The following TBC1D5 variants were observed in gnomAD, a reference collection of about 807,000 sequenced individuals.
TBC1D5 encodes TBC1 domain family, member 5.
TBC1D5 carries 75 observed loss-of-function variants against 100.3 expected under a neutral mutation model. The observed-to-expected ratio is 0.75, with a 90% CI of 0.62 to 0.91. TBC1D5 has a LOEUF of 0.91. Ranked by LOEUF, TBC1D5 falls within the 40% of genes least tolerant of loss-of-function variation. The pLI, the probability that TBC1D5 is intolerant of heterozygous loss-of-function variation, is 0.00. For synonymous variants in TBC1D5, 323 were observed against 325.6 expected (o/e 0.99, Z 0.09); for missense variants, 910 against 942.4 (o/e 0.97, Z 0.45).
intron 1 of TBC1D5, among the ~76,000 whole-genome samples, chr3:17,646,399 C>G (rs1056817215): frequency 6.6e-6 from 1 of 152,076 alleles, no homozygotes; most frequent in Non-Finnish European, 1.5e-5. Context: ...AAAAACTAAA[C>G]AGCACCATAA....
At chr3:17,456,635 A>G (rs2149825047) in intron 3 of TBC1D5, among the ~76,000 whole-genome samples, 1 of 152,318 alleles carries the variant, frequency 6.6e-6, no homozygotes, top group East Asian at 1.9e-4. Context: ...CTTTTATCCA[A>G]AAGACAGCCA....
At chr3:17,325,340 T>C (rs78070139) in intron 13 of TBC1D5, among the ~76,000 whole-genome samples, 27 of 150,684 alleles carry the variant, frequency 1.8e-4, no homozygotes, top group Non-Finnish European at 3.7e-4. Context: ...TTTTTTTTTT[T>C]GAGACGAAGT....
chr3:17,222,390 ATG>A (rs1321730809), intron 17 of TBC1D5, among the ~76,000 whole-genome samples: 3 of 152,186 alleles, frequency 2.0e-5, no homozygotes, highest in Admixed American at 6.5e-5. Flanking sequence ...GTGATGGGAT[ATG>A]TGTGTGTATA....
chr3:17,607,654 C>A (rs1262751458), intron 2 of TBC1D5, among the ~76,000 whole-genome samples: 4 of 151,820 alleles, frequency 2.6e-5, no homozygotes. Flanking sequence ...ATTCCTTGCC[C>A]CCGCCAATAC....
chr3:17,603,973 G>A (rs978048813), intron 2 of TBC1D5, among the ~76,000 whole-genome samples: 3 of 152,032 alleles, frequency 2.0e-5, no homozygotes, highest in Non-Finnish European at 4.4e-5. Flanking sequence ...TAATATACTT[G>A]CTTCTACTTT....
chr3:17,309,789 A>C (rs2083793797), intron 13 of TBC1D5, among the ~76,000 whole-genome samples: 1 of 152,140 alleles, frequency 6.6e-6, no homozygotes, highest in Admixed American at 6.5e-5. Flanking sequence ...TACCAGGGGA[A>C]CCAGAGATGG....
rs191265470 is a variant in TBC1D5, at chr3:17,703,007, A to G, written c.-101+36336T>C. On this transcript the variant is annotated intron_variant, in intron 1 of 21. Coordinates refer to ENST00000253692, the Ensembl canonical transcript of TBC1D5. The stretch of plus-strand genomic sequence containing the variant: ...TGCCTCAGCAGATACAAAACACCAA[A>G]CATCTTTACTGAGTGGTTTAGAAAA... 2.6e-5 allele frequency among the ~76,000 whole-genome samples: 4 copies of G among 152,240 alleles called. No homozygotes were observed. In the East Asian group the frequency reaches 7.7e-4, roughly 29 times the overall value.
intron 18 of TBC1D5, among the ~76,000 whole-genome samples, chr3:17,201,306 T>G (rs1433921126): frequency 6.6e-6 from 1 of 152,174 alleles, no homozygotes; most frequent in Non-Finnish European, 1.5e-5. Context: ...GTGTGCTGCT[T>G]AGTGAACACA....
intron 1 of TBC1D5, among the ~76,000 whole-genome samples, chr3:17,702,739 T>C (rs191496726): frequency 6.6e-6 from 1 of 152,156 alleles, no homozygotes; most frequent in Admixed American, 6.5e-5. Context: ...TTAAATTTAA[T>C]TGCTTATTGA....
At chr3:17,651,546 T>C (rs373388080) in intron 1 of TBC1D5, among the ~76,000 whole-genome samples, 4 of 152,138 alleles carry the variant, frequency 2.6e-5, no homozygotes, top group Admixed American at 1.3e-4. Context: ...CCGTCTCTAC[T>C]GAAAATACAA....
intron 3 of TBC1D5, among the ~76,000 whole-genome samples, chr3:17,470,816 G>C (rs1229211399): frequency 1.3e-5 from 2 of 152,050 alleles, no homozygotes; most frequent in Non-Finnish European, 2.9e-5. Context: ...CAGCTACTCG[G>C]GAGGCTGAGG....
chr3:17,579,302 T>C (rs1439476319), intron 2 of TBC1D5, among the ~76,000 whole-genome samples: 2 of 152,106 alleles, frequency 1.3e-5, no homozygotes, highest in Non-Finnish European at 2.9e-5. Flanking sequence ...GACAAATGTG[T>C]TTTACACAGG....
intron 2 of TBC1D5, among the ~76,000 whole-genome samples, chr3:17,561,376 T>C (rs1329996098): frequency 6.6e-6 from 1 of 152,158 alleles, no homozygotes; most frequent in African/African-American, 2.4e-5. Flanking sequence ...ATTAACACTC[T>C]GCTAAATGTA....
intron 13 of TBC1D5, among the ~76,000 whole-genome samples, chr3:17,353,695 G>A (rs1466708525): frequency 6.6e-6 from 1 of 151,878 alleles, no homozygotes; most frequent in African/African-American, 2.4e-5. Context: ...TTACAAATCA[G>A]AAAGTCAGCT....
chr3:17,429,382 C>T lies in TBC1D5; in HGVS notation c.98-863G>A, dbSNP rs146675620. Among the ~76,000 whole-genome samples, 526 of 151,930 alleles carry T rather than the reference C, an allele frequency of 3.5e-3. 3 individuals are homozygous for T. Among genetic ancestry groups the T allele is most frequent in the African/African-American group, 0.012 (511 of 41,508 alleles). On this transcript the variant is annotated intron_variant, in intron 3 of 21. Coordinates refer to ENST00000253692, the Ensembl canonical transcript of TBC1D5. ...GCTTTTATGAAACCATAGTATACCA[C>T]TATTAAAAATGTCATTTGTTCTTCA...
intron 17 of TBC1D5, among the ~76,000 whole-genome samples, chr3:17,237,506 T>C (rs1177075988): frequency 6.6e-6 from 1 of 152,220 alleles, no homozygotes; most frequent in African/African-American, 2.4e-5. Context: ...TTAGCTTACC[T>C]GAGTCCCAGT....
chr3:17,230,505 A>G (rs1263363064), intron 17 of TBC1D5, among the ~76,000 whole-genome samples: 1 of 152,116 alleles, frequency 6.6e-6, no homozygotes, highest in Non-Finnish European at 1.5e-5. Flanking sequence ...TTCATGTAGT[A>G]CCTTTAATTA....
intron 14 of TBC1D5, among the ~76,000 whole-genome samples, chr3:17,295,365 G>A (rs185481430): frequency 6.6e-6 from 1 of 152,246 alleles, no homozygotes; most frequent in Admixed American, 6.5e-5. Context: ...GTAAGAGTGG[G>A]CCAGCTGCTA....
chr3:17,511,681 A>G (rs755837914), intron 2 of TBC1D5, among the ~76,000 whole-genome samples: 2 of 152,040 alleles, frequency 1.3e-5, no homozygotes, highest in Non-Finnish European at 2.9e-5. Context: ...TAGTTAATTT[A>G]GCTTAAATTA....
Sources: allele counts gnomAD v4.1 joint callset (sites outside exome capture counted in the v4.1 genomes callset), GRCh38; gene constraint gnomAD v4.1.1; transcripts MANE v1.5; gene names NCBI Gene and HGNC (gene_info 2026-07-23, HGNC 2026-07-21).